The following KPNA7 variants were observed in gnomAD, a reference collection of about 807,000 sequenced individuals.
KPNA7 encodes the protein karyopherin subunit alpha 7.
In KPNA7, 54 loss-of-function variants were observed where a neutral mutation model predicts 53.7. The ratio of observed to expected loss-of-function variants is 1.01; its 90% confidence interval spans 0.81 to 1.26. KPNA7 has a LOEUF of 1.26. Ranked by LOEUF, KPNA7 falls within the 50% of genes most tolerant of loss-of-function variation. The pLI is 0.00. For synonymous variants in KPNA7, 276 were observed against 259.3 expected, an observed-to-expected ratio of 1.06 and a Z score of -0.62; for missense variants, 640 against 644.5, an observed-to-expected ratio of 0.99 and a Z score of 0.07.
At chr7:99,160,056 G>A in the KPNA7 span, among the ~76,000 whole-genome samples, 3 of 113,804 alleles carry the variant, frequency 2.6e-5, no homozygotes, top group African/African-American at 7.0e-5. Context: ...ACAGTGTCTC[G>A]CTCTGTTGCC....
intron 1 of KPNA7, among the ~76,000 whole-genome samples, chr7:99,216,361 G>A (rs781526278): frequency 6.6e-6 from 1 of 152,098 alleles, no homozygotes; most frequent in Non-Finnish European, 1.5e-5. Context: ...GGTTCTTCAA[G>A]TTTGAGATCC....
rs115828247 is a variant in KPNA7 at position 99,198,402 on chromosome 7, C to T, written c.202-2236G>A. Among the ~76,000 whole-genome samples, 679 of 151,882 alleles carry T rather than the reference C, an allele frequency of 4.5e-3. 1 individual carries two copies. The highest frequency in any genetic ancestry group is 0.012 in the African/African-American group (507 of 41,414). ...AATAGGAGGAAACCAAATGCCTAAA[C>T]GTATGAAACATATGGTCAACATATT... On this transcript the variant is annotated intron_variant, in intron 3 of 10. Coordinates refer to ENST00000327442, the MANE Select transcript of KPNA7 (RefSeq NM_001145715.3).
In KPNA7 at chr7:99,199,548, GCA is replaced by G. The variant is rs576892242; in HGVS notation, c.202-3384_202-3383del. On this transcript the variant is annotated intron_variant, in intron 3 of 10. Coordinates refer to ENST00000327442, the MANE Select transcript of KPNA7 (RefSeq NM_001145715.3). The stretch of plus-strand genomic sequence containing the variant: ...GTACAACTATGTATCACATGCAAAA[GCA>G]CAAAGTTGGACTCCCATTCTCACCA... Among the ~76,000 whole-genome samples the G allele has an allele frequency of 4.3e-4, 66 of 152,242 alleles. No individual in the cohort carries two copies. In the Middle Eastern group the frequency reaches 0.014, roughly 31 times the overall value.
intron 4 of KPNA7, 28 bp from the exon 5 acceptor site, chr7:99,195,366 G>T (rs1202720340): frequency 1.3e-6 from 2 of 1,545,344 alleles, no homozygotes; most frequent in African/African-American, 1.4e-5. Context: ...GGGCAGGGGA[G>T]GGGGAGGTCA....
chr7:99,202,703 G>A (rs1207681144), intron 3 of KPNA7, among the ~76,000 whole-genome samples: 1 of 152,022 alleles, frequency 6.6e-6, no homozygotes, highest in African/African-American at 2.4e-5. Flanking sequence ...AAATTCACCA[G>A]GCATGATGGT....
At chr7:99,179,587 T>G (rs1445757624) in intron 9 of KPNA7, among the ~76,000 whole-genome samples, 1 of 151,106 alleles carries the variant, frequency 6.6e-6, no homozygotes, top group African/African-American at 2.4e-5. Flanking sequence ...ATTATTTATA[T>G]TTTTATTTAT....
At chr7:99,165,241 A>G in the KPNA7 span, among the ~76,000 whole-genome samples, 18 of 152,046 alleles carry the variant, frequency 1.2e-4, no homozygotes, top group African/African-American at 4.1e-4. Context: ...TCTACCAATG[A>G]CAGGCCCTAC....
chr7:99,214,240 G>C (rs1298873322), intron 1 of KPNA7, among the ~76,000 whole-genome samples: 3 of 151,052 alleles, frequency 2.0e-5, no homozygotes, highest in African/African-American at 7.3e-5. Flanking sequence ...GATCATCCTT[G>C]GCCAATGTGG....
At chr7:99,154,626 G>A in the KPNA7 span, among the ~76,000 whole-genome samples, 2 of 151,108 alleles carry the variant, frequency 1.3e-5, no homozygotes, top group East Asian at 1.9e-4. Context: ...ACCTCCAAGC[G>A]ATTCTCCTGC....
the KPNA7 span, among the ~76,000 whole-genome samples, chr7:99,158,354 T>G: frequency 6.6e-6 from 1 of 152,142 alleles, no homozygotes; most frequent in African/African-American, 2.4e-5. Context: ...GTTTTTTTTC[T>G]CCACTTCTAG....
Position 99,181,001 on chromosome 7 carries a change from GTCTC to G in KPNA7, c.1317+878_1317+881del, listed in dbSNP as rs202043503. ...CGTCTGTGTCTCTCTCTCCCCGTCT[GTCTC>G]TCTCTCTCTGTGTGTGTGTCTCTCT... On this transcript the variant is annotated intron_variant, in intron 9 of 10. Transcript: ENST00000327442. Among the ~76,000 whole-genome samples the G allele has an allele frequency of 5.6e-4, 15 of 26,820 alleles. 5 individuals are homozygous for G. The South Asian group carries it at 0.014, about 25-fold the overall frequency. The allele number at this position is 26,820 out of a possible 152,430, so 17.6% of individuals were successfully genotyped here. A position where few individuals can be genotyped will look rare whatever the true frequency, so the allele number is the denominator to read the frequency against.
At chr7:99,187,798 TTAAAAA>T (rs1252351135) in intron 7 of KPNA7, among the ~76,000 whole-genome samples, 17 of 2,880 alleles carry the variant, frequency 5.9e-3, no homozygotes, top group African/African-American at 7.5e-3. Flanking sequence ...GCCTTTTTTT[TTAAAAA>T]AAAAAAAAAA....
At chr7:99,203,265 A>G (rs1175266368) in intron 2 of KPNA7, 25 bp from the exon 3 acceptor site, 2 of 1,545,952 alleles carry the variant, frequency 1.3e-6, no homozygotes, top group Middle Eastern at 1.7e-4. Context: ...AAATTGGAGC[A>G]TTTAGAACCA....
At chr7:99,209,564 TCCCAGCTA>T (rs1790989577), upstream of KPNA7, among the ~76,000 whole-genome samples, 2 of 150,554 alleles carry the variant, frequency 1.3e-5, no homozygotes, top group Non-Finnish European at 1.5e-5. Context: ...GCACCTGTAG[TCCCAGCTA>T]CTCAGGAGGC....
the KPNA7 span, among the ~76,000 whole-genome samples, chr7:99,166,584 G>A: frequency 6.6e-6 from 1 of 151,804 alleles, no homozygotes; most frequent in Non-Finnish European, 1.5e-5. Flanking sequence ...CAAACTGCTG[G>A]GATTACAGGT....
the KPNA7 span, among the ~76,000 whole-genome samples, chr7:99,157,458 C>G: frequency 6.6e-6 from 1 of 152,212 alleles, no homozygotes; most frequent in Admixed American, 6.5e-5. Context: ...ATCCACCTGC[C>G]TTGGCCTCTC....
At chr7:99,167,314 A>G in the KPNA7 span, among the ~76,000 whole-genome samples, 1 of 152,184 alleles carries the variant, frequency 6.6e-6, no homozygotes, top group Non-Finnish European at 1.5e-5. Context: ...ACCAGTCCGT[A>G]GCCTGATAGG....
At position 99,187,797 on chromosome 7, in the gene KPNA7, TTTAA is replaced by T. The variant is rs1360158008; in HGVS notation, c.900+499_900+502del. Among the ~76,000 whole-genome samples the T allele has an allele frequency of 8.8e-3, 704 of 79,836 alleles. 28 individuals carry two copies. The highest frequency in any genetic ancestry group is 0.024 in the South Asian group (69 of 2,856). The allele number at this position is 79,836 out of a possible 152,430, so 52.4% of individuals were successfully genotyped here. On this transcript the variant is annotated intron_variant, in intron 7 of 10. Coordinates refer to ENST00000327442, the MANE Select transcript of KPNA7 (RefSeq NM_001145715.3). ...TGAGCCACCGTGCCCGGCCTTTTTT[TTTAA>T]AAAAAAAAAAAAAAAAAAAAAAAAA...
At chr7:99,160,321 G>A in the KPNA7 span, among the ~76,000 whole-genome samples, 16 of 151,528 alleles carry the variant, frequency 1.1e-4, no homozygotes, top group South Asian at 1.7e-3. Flanking sequence ...CCACGCACCC[G>A]GCCTCTCCTC....
Sources: gnomAD v4.1 joint callset for allele counts (sites outside exome capture counted in the v4.1 genomes callset) on GRCh38, gnomAD v4.1.1 for gene constraint, MANE v1.5 for transcripts, NCBI Gene and HGNC (gene_info 2026-07-23, HGNC 2026-07-21) for gene names.